Variants in ASAP1 observed in about 807,000 individuals in gnomAD.
ASAP1 encodes the protein ArfGAP with SH3 domain, ankyrin repeat and PH domain 1, also known as arf-GAP with SH3 domain, ANK repeat and PH domain-containing protein 1.
A neutral mutation model predicts 145.2 loss-of-function variants in ASAP1; 43 were observed. The ratio of observed to expected loss-of-function variants is 0.30; its 90% CI spans 0.23 to 0.38. The LOEUF (loss-of-function observed/expected upper bound fraction) is 0.38. ASAP1 is among the 10% of genes least tolerant of loss of function. The pLI, the probability that ASAP1 is intolerant of heterozygous loss-of-function variation, is 1.00. For synonymous variants in ASAP1, 546 were observed against 515.5 expected, an observed-to-expected ratio of 1.06 and a Z score of -0.80; for missense variants, 1,018 against 1,355.3, an observed-to-expected ratio of 0.75 and a Z score of 3.91.
At chr8:130,289,444 G>A (rs756351447) in intron 3 of ASAP1, among the ~76,000 whole-genome samples, 16 of 152,030 alleles carry the variant, frequency 1.1e-4, no homozygotes, top group Non-Finnish European at 1.5e-4. Flanking sequence ...TTTAAACAGC[G>A]TATTCAAAGG....
At chr8:130,073,455 T>C (rs1007571327) in intron 27 of ASAP1, among the ~76,000 whole-genome samples, 5 of 151,124 alleles carry the variant, frequency 3.3e-5, no homozygotes, top group Admixed American at 6.6e-5. Context: ...GTGGGACTGT[T>C]TGGATGAGTT....
chr8:130,349,860 G>A (rs530400949), intron 3 of ASAP1, among the ~76,000 whole-genome samples: 3 of 152,134 alleles, frequency 2.0e-5, no homozygotes, highest in Non-Finnish European at 4.4e-5. Flanking sequence ...TATCAAATGG[G>A]GAAACAGAGG....
intron 3 of ASAP1, among the ~76,000 whole-genome samples, chr8:130,319,072 G>A (rs1823844331): frequency 6.6e-6 from 1 of 152,234 alleles, no homozygotes. Context: ...GTCTTCTGAA[G>A]CGTTTTTACA....
intron 3 of ASAP1, among the ~76,000 whole-genome samples, chr8:130,316,360 C>A (rs965393204): frequency 1.3e-5 from 2 of 152,234 alleles, no homozygotes; most frequent in Non-Finnish European, 2.9e-5. Context: ...TAAGCTTTAT[C>A]TCTTTTCTAC....
chr8:130,161,658 TTC>T (rs755301650), intron 11 of ASAP1, among the ~76,000 whole-genome samples: 4 of 152,190 alleles, frequency 2.6e-5, no homozygotes, highest in Non-Finnish European at 5.9e-5. Flanking sequence ...TTTGAATAAT[TTC>T]TCTGTTTATA....
intron 24 of ASAP1, among the ~76,000 whole-genome samples, chr8:130,095,923 C>T (rs2097516767): frequency 6.6e-6 from 1 of 152,060 alleles, no homozygotes; most frequent in South Asian, 2.1e-4. Context: ...CCGGCCAGGC[C>T]AGTAATTCTT....
chr8:130,227,873 G>T (rs1033170882), intron 4 of ASAP1, among the ~76,000 whole-genome samples: 1 of 152,108 alleles, frequency 6.6e-6, no homozygotes, highest in Non-Finnish European at 1.5e-5. Context: ...TTCAGAATTA[G>T]AAGAAATGTT....
intron 3 of ASAP1, among the ~76,000 whole-genome samples, chr8:130,255,158 T>A (rs1030250895): frequency 1.3e-5 from 2 of 152,138 alleles, no homozygotes; most frequent in Non-Finnish European, 1.5e-5. Context: ...CAAATAAAAA[T>A]ATATATATTT....
intron 29 of ASAP1, 34 bp downstream of exon 29, chr8:130,057,920 T>G (rs757651086): frequency 3.1e-6 from 5 of 1,611,038 alleles, no homozygotes; most frequent in Non-Finnish European, 4.2e-6. Flanking sequence ...GCTGTATGAA[T>G]GTACGGATGA....
chr8:130,207,800 T>C (rs1816320602), intron 5 of ASAP1, among the ~76,000 whole-genome samples: 1 of 152,180 alleles, frequency 6.6e-6, no homozygotes, highest in African/African-American at 2.4e-5. Context: ...TCATGACAAC[T>C]AGACTCACTT....
intron 15 of ASAP1, among the ~76,000 whole-genome samples, chr8:130,129,880 T>C (rs568597537): frequency 2.0e-4 from 31 of 152,306 alleles, no homozygotes; most frequent in African/African-American, 7.0e-4. Flanking sequence ...GGGGATTTTA[T>C]ACCTTTTAGA....
At chr8:130,440,272 T>A (rs1354022369) in intron 1 of ASAP1, among the ~76,000 whole-genome samples, 1 of 152,122 alleles carries the variant, frequency 6.6e-6, no homozygotes, top group Non-Finnish European at 1.5e-5. Context: ...TCCATCAGGC[T>A]GGCCATGGTC....
chr8:130,139,974 G>A (rs2097606120), intron 13 of ASAP1, among the ~76,000 whole-genome samples: 1 of 147,934 alleles, frequency 6.8e-6, no homozygotes, highest in Admixed American at 6.7e-5. Context: ...AGTATTAACT[G>A]CATTCAGGCA....
At position 130,358,155 on chromosome 8, in the gene ASAP1, G is replaced by A. The variant is rs1477831685; in HGVS notation, c.60-12C>T. ...TCTGGTCCGGCATCCTGCCGGGAGGGACGAGACACAAGCGGGGGCGGGGGG... is the reference window on the plus strand; with the variant it reads ...TCTGGTCCGGCATCCTGCCGGGAGGAACGAGACACAAGCGGGGGCGGGGGG... On this transcript the variant is annotated splice_polypyrimidine_tract_variant and intron_variant, in intron 2 of 29. Transcript: ENST00000518721. This position sits in a 1 kb window ranked among gnomAD's most constrained non-coding sequence, Gnocchi z 4.1. 17 of 1,597,964 alleles carry A rather than the reference G, an allele frequency of 1.1e-5. No homozygotes were observed. The highest frequency in any genetic ancestry group is 6.7e-5 in the African/African-American group (5 of 74,562).
At chr8:130,411,540 C>G (rs1829265001) in intron 1 of ASAP1, among the ~76,000 whole-genome samples, 1 of 152,314 alleles carries the variant, frequency 6.6e-6, no homozygotes, top group Admixed American at 6.5e-5. Flanking sequence ...TTCCTTGGAT[C>G]ACCTCCCAAA....
intron 27 of ASAP1, among the ~76,000 whole-genome samples, chr8:130,072,826 C>CGTGTGTGTGT (rs1160417615): frequency 7.2e-5 from 1 of 13,800 alleles, no homozygotes; most frequent in African/African-American, 2.0e-4. Flanking sequence ...TGTGTGTGTG[C>CGTGTGTGTGT]GCGCGGGGGG....
At chr8:130,366,749 T>G (rs561275013) in intron 2 of ASAP1, among the ~76,000 whole-genome samples, 56 of 152,260 alleles carry the variant, frequency 3.7e-4, no homozygotes, top group African/African-American at 1.3e-3. Flanking sequence ...AAGCCCTCTC[T>G]CTCAAGGTTG....
At chr8:130,433,573 T>A (rs1199578868) in intron 1 of ASAP1, among the ~76,000 whole-genome samples, 2 of 152,236 alleles carry the variant, frequency 1.3e-5, no homozygotes, top group Non-Finnish European at 2.9e-5. Context: ...CTGGAAGGTA[T>A]TCTAGCAGGT....
chr8:130,389,030 G>T (rs369677211), intron 2 of ASAP1, among the ~76,000 whole-genome samples: 3 of 152,298 alleles, frequency 2.0e-5, no homozygotes, highest in Non-Finnish European at 2.9e-5. Flanking sequence ...CAGGATTGTT[G>T]TAAGGATTGA....
Sources: gnomAD v4.1 joint callset for allele counts (sites outside exome capture counted in the v4.1 genomes callset) on GRCh38, gnomAD v4.1.1 for gene constraint, Gnocchi (gnomAD v3.1) non-coding constraint, MANE v1.5 for transcripts, NCBI Gene and HGNC (gene_info 2026-07-23, HGNC 2026-07-21) for gene names.